ZNF177: variants seen among roughly 807,000 people sequenced by gnomAD.
ZNF177 encodes the protein zinc finger protein 177.
A neutral mutation model predicts 19.4 loss-of-function variants in ZNF177; 17 were observed. The ratio of observed to expected loss-of-function variants is 0.87; its 90% CI spans 0.60 to 1.31. ZNF177 has a LOEUF of 1.31. Ranked by LOEUF, ZNF177 falls within the 40% of genes most tolerant of loss-of-function variation. The pLI is 0.00. For missense variants in ZNF177, 633 were observed against 561.8 expected (o/e 1.13, Z -1.28); for synonymous variants, 220 against 188.7 (o/e 1.17, Z -1.36).
intron 2 of ZNF177, among the ~76,000 whole-genome samples, chr19:9,366,748 A>C (rs2067985771): frequency 6.6e-6 from 1 of 152,090 alleles, no homozygotes; most frequent in Admixed American, 6.5e-5. Flanking sequence ...TTTATGTTTA[A>C]TCTTCTGGTA....
upstream of ZNF177, among the ~76,000 whole-genome samples, chr19:9,376,028 C>G (rs1460941571): frequency 6.6e-6 from 1 of 152,128 alleles, no homozygotes; most frequent in Non-Finnish European, 1.5e-5. Flanking sequence ...TACTTTCGGG[C>G]TACATGCATT....
At chr19:9,373,027 C>T (rs765938946), upstream of ZNF177, among the ~76,000 whole-genome samples, 22 of 152,148 alleles carry the variant, frequency 1.4e-4, no homozygotes, top group Non-Finnish European at 2.9e-4. Context: ...GTAAGATGCA[C>T]TCTCTTGGAA....
chr19:9,377,177 C>T (rs557982472), intron 1 of ZNF177, among the ~76,000 whole-genome samples: 1 of 152,202 alleles, frequency 6.6e-6, no homozygotes, highest in East Asian at 1.9e-4. Flanking sequence ...GCCAGTGTAA[C>T]ATTGTAAAGC....
At chr19:9,379,164 G>A in intron 3 of ZNF177, 76 bp downstream of exon 5, 3 of 1,495,168 alleles carry the variant, frequency 2.0e-6, no homozygotes, top group Non-Finnish European at 2.7e-6. Context: ...CAGAATCTGT[G>A]GAAAGAATAG....
In ZNF177 at chr19:9,380,556, C is replaced by T. The variant is rs1021665638; in HGVS notation, c.337-112C>T. ...CACCTACTGAAAATGGTACACATGTCAGTCATGATCATGTGCTTCCTATAT... is the reference window on the plus strand; with the variant it reads ...CACCTACTGAAAATGGTACACATGTTAGTCATGATCATGTGCTTCCTATAT... On this transcript the variant is annotated intron_variant, in intron 5 of 5. Coordinates refer to ENST00000589262, the Ensembl canonical transcript of ZNF177. 6 of 1,529,156 alleles carry T rather than the reference C, an allele frequency of 3.9e-6. No homozygotes were observed. The African/African-American group carries it at 4.1e-5, about 11-fold the overall frequency. The allele number at this position is 1,529,156 out of a possible 1,614,324, so 94.7% of individuals were successfully genotyped here. A position where few individuals can be genotyped will look rare whatever the true frequency, so the allele number is the denominator to read the frequency against.
intron 2 of ZNF177, among the ~76,000 whole-genome samples, chr19:9,366,417 T>G (rs1022083098): frequency 3.9e-5 from 6 of 152,082 alleles, no homozygotes; most frequent in Non-Finnish European, 7.4e-5. Context: ...CCACCAAGCC[T>G]GGCTATTTTT....
intron 2 of ZNF177, among the ~76,000 whole-genome samples, chr19:9,370,420 T>G (rs556840973): frequency 9.4e-4 from 123 of 131,020 alleles, no homozygotes; most frequent in African/African-American, 4.3e-3. Context: ...TTTTTTTTTG[T>G]TTTTTTTTTA....
chr19:9,381,723 C>T (rs746150640), exon 6 of ZNF177: 8 of 1,613,324 alleles, frequency 5.0e-6, no homozygotes, highest in Middle Eastern at 1.7e-4. Flanking sequence ...TTAGCACAAG[C>T]ACTAACCTTA....
downstream of ZNF177, chr19:9,382,557 C>G (rs1165959509): frequency 8.1e-5 from 32 of 395,600 alleles, no homozygotes; most frequent in Non-Finnish European, 1.8e-5. Flanking sequence ...GTTCCTCTTT[C>G]AGCTGATTTC....
Position 9,380,513 on chromosome 19 carries a change from T to C in ZNF177, c.337-155T>C, listed in dbSNP as rs2068179384. 3.4e-6 allele frequency: 5 copies of C among 1,461,246 alleles called. No homozygotes were observed. The South Asian group carries it at 3.8e-5, about 11-fold the overall frequency. 90.5% of individuals were successfully genotyped at this position (1,461,246 alleles called of 1,614,324 possible). ...AGCTTATTCAACTCGAAAAAGCTAA[T>C]AGGGCAAAAGTCATACGCACCTACT... On this transcript the variant is annotated intron_variant, in intron 5 of 5. Transcript: ENST00000589262.
chr19:9,376,221 A>G (rs1367847291), upstream of ZNF177: 4 of 152,138 alleles, frequency 2.6e-5, no homozygotes, highest in Admixed American at 2.6e-4. Context: ...CTACTCTCAG[A>G]TTCAAGCAAT....
At chr19:9,368,293 TCA>T (rs2068005671) in intron 2 of ZNF177, among the ~76,000 whole-genome samples, 1 of 152,214 alleles carries the variant, frequency 6.6e-6, no homozygotes, top group Non-Finnish European at 1.5e-5. Flanking sequence ...TTCATTGCAT[TCA>T]CAGTGTTACT....
chr19:9,379,031 C>T lies in ZNF177; in HGVS notation c.103C>T (p.Gln35Ter), dbSNP rs767308047. ...GGAGTGGGCATTGCTGGACCCTGCT[C>T]AAAAAAATCTATACAAAGATGTGAT... Residue 35 changes from glutamine (Q) to a stop codon, truncating the protein, a stop_gained, in exon 3 of 6, where the codon CAA (glutamine) becomes TAA (stop). Transcript: ENST00000589262. LOFTEE classifies it high-confidence loss of function. The T allele has an allele frequency of 1.1e-5, 17 of 1,610,640 alleles. No homozygotes were observed. Among genetic ancestry groups the T allele is most frequent in the South Asian group, 6.6e-5 (6 of 90,632 alleles).
exon 6 of ZNF177, chr19:9,381,931 C>T: frequency 1.7e-6 from 2 of 1,158,494 alleles, no homozygotes; most frequent in Non-Finnish European, 2.4e-6. Flanking sequence ...AATGTTATAG[C>T]TATGATTGTT....
chr19:9,382,271 A>G (rs1326528803), downstream of ZNF177: 1 of 398,262 alleles, frequency 2.5e-6, no homozygotes, highest in African/African-American at 2.1e-5. Flanking sequence ...AGCCCATGCA[A>G]AGTAGGCAGA....
intron 2 of ZNF177, among the ~76,000 whole-genome samples, chr19:9,366,790 C>A (rs1371438188): frequency 6.6e-6 from 1 of 152,150 alleles, no homozygotes; most frequent in East Asian, 1.9e-4. Context: ...CGTGGCAGCA[C>A]CACTTCCCAC....
At chr19:9,371,059 A>G (rs1195990476) in intron 2 of ZNF177, among the ~76,000 whole-genome samples, 1 of 152,208 alleles carries the variant, frequency 6.6e-6, no homozygotes, top group Non-Finnish European at 1.5e-5. Flanking sequence ...CTGCAAATAA[A>G]TATTGAATAA....
Position 9,379,105 on chromosome 19 carries a change from T to C in ZNF177, c.160+17T>C. On this transcript the variant is annotated intron_variant, in intron 3 of 5. Coordinates refer to ENST00000589262, the Ensembl canonical transcript of ZNF177. Reference sequence around the variant, plus strand: ...CCTCAGTAGGTAAGGCTGGCCTCATTTCTTCATTTGTTTATGTAGCAAATA... The same window carrying C: ...CCTCAGTAGGTAAGGCTGGCCTCATCTCTTCATTTGTTTATGTAGCAAATA... The C allele has an allele frequency of 6.3e-7, 1 of 1,587,138 alleles. No homozygotes were observed. Among genetic ancestry groups the C allele is most frequent in the Non-Finnish European group, 8.6e-7 (1 of 1,165,556 alleles).
At chr19:9,381,179 C>T in exon 6 of ZNF177, 1 of 1,614,148 alleles carries the variant, frequency 6.2e-7, no homozygotes, top group South Asian at 1.1e-5. Context: ...GGAGAGATGC[C>T]CTATGAATGC....
Sources: allele counts gnomAD v4.1 joint callset (sites outside exome capture counted in the v4.1 genomes callset), GRCh38; gene constraint gnomAD v4.1.1; transcripts MANE v1.5; gene names NCBI Gene and HGNC (gene_info 2026-07-23, HGNC 2026-07-21).